The following CCSER1 variants were observed in gnomAD, a reference collection of about 807,000 sequenced individuals.
The protein encoded by CCSER1 is coiled-coil serine rich protein 1.
A neutral mutation model predicts 82.0 loss-of-function variants in CCSER1; 41 were observed. That is an observed-to-expected ratio of 0.50 (90% confidence interval 0.39 to 0.65). The LOEUF is 0.65. Ranked by LOEUF, CCSER1 falls within the 30% of genes least tolerant of loss-of-function variation. The pLI is 0.00. For synonymous variants in CCSER1, 414 were observed against 383.9 expected (o/e 1.08, Z -0.92); for missense variants, 1,119 against 1,064.2 (o/e 1.05, Z -0.72).
At chr4:91,560,774 C>T (rs531086836) in intron 10 of CCSER1, among the ~76,000 whole-genome samples, 1 of 151,430 alleles carries the variant, frequency 6.6e-6, no homozygotes, top group East Asian at 1.9e-4. Flanking sequence ...TTAAGCTTCT[C>T]AAGTGCTTTT....
At chr4:90,851,777 CAT>C (rs774409021) in intron 8 of CCSER1, among the ~76,000 whole-genome samples, 6 of 152,022 alleles carry the variant, frequency 3.9e-5, no homozygotes, top group Non-Finnish European at 7.4e-5. Context: ...TAAAGTTGAA[CAT>C]GTTTCTTTTT....
intron 10 of CCSER1, among the ~76,000 whole-genome samples, chr4:91,373,316 G>A (rs1427931858): frequency 6.6e-6 from 1 of 151,870 alleles, no homozygotes; most frequent in Non-Finnish European, 1.5e-5. Flanking sequence ...CATATTGAAG[G>A]TTTGTATCAA....
chr4:90,738,314 C>T (rs1256018648), intron 7 of CCSER1, among the ~76,000 whole-genome samples: 1 of 152,052 alleles, frequency 6.6e-6, no homozygotes, highest in East Asian at 1.9e-4. Flanking sequence ...GTCACTGCAG[C>T]CATATCTGCA....
At chr4:91,567,046 C>G (rs1336966119) in intron 10 of CCSER1, among the ~76,000 whole-genome samples, 1 of 151,460 alleles carries the variant, frequency 6.6e-6, no homozygotes, top group African/African-American at 2.4e-5. Context: ...AATTTCCCTG[C>G]CTTAGCTGTG....
At chr4:91,097,718 G>T (rs938134440) in intron 10 of CCSER1, among the ~76,000 whole-genome samples, 1 of 152,104 alleles carries the variant, frequency 6.6e-6, no homozygotes, top group Admixed American at 6.5e-5. Context: ...GATGATATTT[G>T]TGTGATCATG....
At chr4:90,824,132 A>T (rs878964244) in intron 8 of CCSER1, among the ~76,000 whole-genome samples, 3 of 151,700 alleles carry the variant, frequency 2.0e-5, no homozygotes, top group East Asian at 1.9e-4. Context: ...AGGCCTCATT[A>T]AAAAAAATGT....
intron 8 of CCSER1, among the ~76,000 whole-genome samples, chr4:90,826,012 A>G (rs1645710640): frequency 6.6e-6 from 1 of 151,994 alleles, no homozygotes; most frequent in Non-Finnish European, 1.5e-5. Flanking sequence ...TTTATAAGGT[A>G]CTTTGAATAG....
At position 90,919,895 on chromosome 4, in the gene CCSER1, CAT is replaced by C. The variant is rs1308350839; in HGVS notation, c.2095-3474_2095-3473del. ...GCCTTTTTTGCTTTTTCTAAGCACACATGTTTTATTAATCATAAATGTGAAAA... is the reference window on the plus strand; with the variant it reads ...GCCTTTTTTGCTTTTTCTAAGCACACGTTTTATTAATCATAAATGTGAAAA... On this transcript the variant is annotated intron_variant, in intron 8 of 10. Transcript: ENST00000509176. 4.6e-5 allele frequency among the ~76,000 whole-genome samples: 7 copies of C among 151,914 alleles called. No homozygotes were observed. The East Asian group carries it at 5.8e-4, about 13-fold the overall frequency.
intron 5 of CCSER1, among the ~76,000 whole-genome samples, chr4:90,551,783 C>A (rs1458549058): frequency 6.7e-6 from 1 of 149,820 alleles, no homozygotes. Flanking sequence ...CTTGTAAGGA[C>A]AGTCTTTGTC....
At chr4:91,125,223 CAT>C (rs2148898008) in intron 10 of CCSER1, among the ~76,000 whole-genome samples, 1 of 151,696 alleles carries the variant, frequency 6.6e-6, no homozygotes, top group African/African-American at 2.4e-5. Flanking sequence ...TAGCATGACA[CAT>C]GTTGTGTGAT....
chr4:90,915,045 T>G (rs985388130), intron 8 of CCSER1, among the ~76,000 whole-genome samples: 1 of 152,020 alleles, frequency 6.6e-6, no homozygotes, highest in Non-Finnish European at 1.5e-5. Flanking sequence ...CCAAAAAAAG[T>G]CCTGGACCAG....
At chr4:91,544,654 C>G (rs999630805) in intron 10 of CCSER1, among the ~76,000 whole-genome samples, 1 of 152,180 alleles carries the variant, frequency 6.6e-6, no homozygotes, top group Non-Finnish European at 1.5e-5. Context: ...AGTGTTGCTG[C>G]CTGATTATTC....
intron 7 of CCSER1, among the ~76,000 whole-genome samples, chr4:90,807,570 A>C (rs773330219): frequency 4.6e-5 from 7 of 152,108 alleles, no homozygotes; most frequent in Non-Finnish European, 1.0e-4. Context: ...ACTCCATCTC[A>C]ACAAAATATT....
intron 3 of CCSER1, among the ~76,000 whole-genome samples, chr4:90,331,943 G>GTA (rs1158892123): frequency 1.3e-5 from 2 of 151,856 alleles, no homozygotes; most frequent in African/African-American, 2.4e-5. Context: ...GTAAAATGAG[G>GTA]TATCTTCATC....
rs575917472 is a variant in CCSER1 at position 90,291,301 on chromosome 4, T to C, written c.-41-16943T>C. On this transcript the variant is annotated intron_variant, in intron 1 of 10. Coordinates refer to ENST00000509176, the MANE Select transcript of CCSER1 (RefSeq NM_001145065.2). ...AACTAGTTTAGGTTTCCATTTATTA[T>C]CCTCAAAAAACAAGTTCATTTTCCA... Among the ~76,000 whole-genome samples, 874 of 152,128 alleles carry C rather than the reference T, an allele frequency of 5.7e-3. 8 individuals carry two copies. Among genetic ancestry groups the C allele is most frequent in the African/African-American group, 0.02 (849 of 41,528 alleles).
intron 3 of CCSER1, among the ~76,000 whole-genome samples, chr4:90,351,417 G>T (rs553782668): frequency 2.0e-5 from 3 of 152,070 alleles, no homozygotes; most frequent in Non-Finnish European, 4.4e-5. Flanking sequence ...CTGTAACAAA[G>T]CATGCAAGAT....
chr4:90,179,386 A>AT (rs978702803), intron 1 of CCSER1, among the ~76,000 whole-genome samples: 10 of 151,896 alleles, frequency 6.6e-5, no homozygotes, highest in South Asian at 2.1e-4. Flanking sequence ...CCGAAGTATA[A>AT]TTTTTTTTTA....
intron 8 of CCSER1, among the ~76,000 whole-genome samples, chr4:90,840,106 TG>T (rs1469308246): frequency 1.3e-5 from 2 of 152,092 alleles, no homozygotes; most frequent in Non-Finnish European, 2.9e-5. Flanking sequence ...TTTAGTAACT[TG>T]CAATTTATTG....
At chr4:90,656,004 G>A (rs891898655) in intron 6 of CCSER1, among the ~76,000 whole-genome samples, 1 of 151,852 alleles carries the variant, frequency 6.6e-6, no homozygotes, top group Non-Finnish European at 1.5e-5. Flanking sequence ...TCTCCAAGTA[G>A]AGAATAATTT....
Sources: gnomAD v4.1 joint callset for allele counts (sites outside exome capture counted in the v4.1 genomes callset) on GRCh38, gnomAD v4.1.1 for gene constraint, MANE v1.5 for transcripts, NCBI Gene and HGNC (gene_info 2026-07-23, HGNC 2026-07-21) for gene names.